NRG1: variants seen among roughly 807,000 people sequenced by gnomAD.
NRG1 encodes pro-neuregulin-1, membrane-bound isoform.
A neutral mutation model predicts 63.8 loss-of-function variants in NRG1; 18 were observed. The ratio of observed to expected loss-of-function variants is 0.28; its 90% CI spans 0.19 to 0.42. The LOEUF is 0.42. NRG1 is among the 10% of genes least tolerant of loss of function. The pLI is 1.00. For synonymous variants in NRG1, 302 were observed against 301.3 expected, an observed-to-expected ratio of 1.00 and a Z score of -0.02; for missense variants, 762 against 814.7, an observed-to-expected ratio of 0.94 and a Z score of 0.79.
intron 1 of NRG1, among the ~76,000 whole-genome samples, chr8:32,016,404 A>C (rs1815546810): frequency 6.6e-6 from 1 of 152,048 alleles, no homozygotes; most frequent in Non-Finnish European, 1.5e-5. Context: ...CACATGGAAT[A>C]ATTTATTTAG....
intron 1 of NRG1, among the ~76,000 whole-genome samples, chr8:31,927,996 A>T (rs1057412851): frequency 2.8e-4 from 1 of 3,510 alleles, no homozygotes; most frequent in African/African-American, 1.7e-3. Flanking sequence ...AGGTATATTT[A>T]AAAAAAAAAA....
intron 1 of NRG1, among the ~76,000 whole-genome samples, chr8:32,528,952 G>C (rs984922231): frequency 6.6e-6 from 1 of 152,176 alleles, no homozygotes; most frequent in African/African-American, 2.4e-5. Context: ...GACAACGATA[G>C]CTTTATAGAA....
At chr8:32,344,583 C>T (rs1405967847) in intron 1 of NRG1, among the ~76,000 whole-genome samples, 1 of 144,874 alleles carries the variant, frequency 6.9e-6, no homozygotes, top group Non-Finnish European at 1.5e-5. Flanking sequence ...ATTACAGGCA[C>T]ATGTCACTAC....
At chr8:31,912,224 T>C (rs1833002801) in intron 1 of NRG1, among the ~76,000 whole-genome samples, 4 of 152,322 alleles carry the variant, frequency 2.6e-5, no homozygotes, top group African/African-American at 9.6e-5. Context: ...TAAAATGCGC[T>C]GATGTGTTTA....
At chr8:32,288,143 G>C (rs1853760980) in intron 1 of NRG1, among the ~76,000 whole-genome samples, 1 of 152,120 alleles carries the variant, frequency 6.6e-6, no homozygotes, top group Non-Finnish European at 1.5e-5. Flanking sequence ...CCTAAAGCAA[G>C]ACAGATAGGA....
intron 1 of NRG1, among the ~76,000 whole-genome samples, chr8:32,198,036 G>A (rs2132271382): frequency 6.6e-6 from 1 of 152,286 alleles, no homozygotes; most frequent in South Asian, 2.1e-4. Context: ...ATATTCCTGG[G>A]CCAAATATTG....
chr8:31,700,914 G>A (rs1460267517), intron 1 of NRG1, among the ~76,000 whole-genome samples: 1 of 152,114 alleles, frequency 6.6e-6, no homozygotes, highest in Admixed American at 6.6e-5. Flanking sequence ...GGTAGAATGA[G>A]GGACATTTGC....
In NRG1 at chr8:31,640,732, A is replaced by G; in HGVS notation, c.37+1301A>G. Reference sequence around the variant, plus strand: ...CCGGGTGCTGTGCAAGCGGTGCGGTAAGTTCCTCGCCCTTGGGGGCGCGAA... The same window carrying G: ...CCGGGTGCTGTGCAAGCGGTGCGGTGAGTTCCTCGCCCTTGGGGGCGCGAA... On this transcript the variant is annotated intron_variant, in intron 1 of 10. Transcript: ENST00000519301. The surrounding 1 kb of genome is among the most constrained non-coding windows in gnomAD (Gnocchi z 6.3). 1 of 1,570,752 alleles carries G rather than the reference A, an allele frequency of 6.4e-7. No individual in the cohort carries two copies. The highest frequency in any genetic ancestry group is 1.8e-5 in the Admixed American group (1 of 56,364).
At chr8:31,828,559 C>T (rs144220856) in intron 1 of NRG1, among the ~76,000 whole-genome samples, 2 of 152,258 alleles carry the variant, frequency 1.3e-5, no homozygotes, top group Non-Finnish European at 2.9e-5. Context: ...CTGGTGTAAA[C>T]ACCACCCGCG....
rs376221780 is a variant in NRG1 at position 32,742,125 on chromosome 8, A to T, written c.633-550A>T. ...GCTTTCTCCCCCAACTACAGCAACA[A>T]TCACTACCACTTGGTGCTTTTACAG... On this transcript the variant is annotated intron_variant, in intron 6 of 11. Transcript: ENST00000356819. This position sits in a 1 kb window ranked among gnomAD's most constrained non-coding sequence, Gnocchi z 4.2. 1.4e-6 allele frequency: 2 copies of T among 1,419,066 alleles called. No individual in the cohort carries two copies. Among genetic ancestry groups the T allele is most frequent in the Admixed American group, 1.7e-5 (1 of 59,590 alleles). 87.9% of individuals were successfully genotyped at this position (1,419,066 alleles called of 1,614,324 possible).
At chr8:32,407,612 G>C (rs1814272050) in intron 1 of NRG1, among the ~76,000 whole-genome samples, 1 of 151,988 alleles carries the variant, frequency 6.6e-6, no homozygotes, top group African/African-American at 2.4e-5. Context: ...CAGAATAAAA[G>C]TGGACATGCC....
intron 1 of NRG1, among the ~76,000 whole-genome samples, chr8:32,511,363 A>ATG (rs201423145): frequency 0.15 from 15,015 of 102,544 alleles, 860 homozygotes; most frequent in South Asian, 0.17. Flanking sequence ...GTCGATATAT[A>ATG]TGTGTATATA....
At chr8:31,856,323 T>G (rs1827863497) in intron 1 of NRG1, among the ~76,000 whole-genome samples, 1 of 152,122 alleles carries the variant, frequency 6.6e-6, no homozygotes, top group East Asian at 1.9e-4. Context: ...TTTTTATTCT[T>G]TTTTCTCTAA....
chr8:32,242,410 G>T (rs1848193974), intron 1 of NRG1, among the ~76,000 whole-genome samples: 1 of 152,140 alleles, frequency 6.6e-6, no homozygotes, highest in African/African-American at 2.4e-5. Context: ...GGAGGCGGAG[G>T]TTGCAGTGAG....
intron 1 of NRG1, among the ~76,000 whole-genome samples, chr8:32,431,911 G>T (rs1414005960): frequency 1.3e-5 from 2 of 152,096 alleles, no homozygotes; most frequent in Non-Finnish European, 2.9e-5. Context: ...GGACTGTTAA[G>T]CAATTTAAGA....
intron 1 of NRG1, among the ~76,000 whole-genome samples, chr8:31,867,386 A>G (rs909564641): frequency 7.2e-5 from 11 of 152,094 alleles, no homozygotes. Flanking sequence ...CTTGATTTGT[A>G]TGTTTCAGAG....
intron 5 of NRG1, chr8:32,722,122 A>C (rs1045765630): frequency 4.2e-6 from 5 of 1,181,928 alleles, no homozygotes; most frequent in Non-Finnish European, 6.0e-6. Context: ...TATTTTATTA[A>C]GCAAATGGCG....
intron 8 of NRG1, among the ~76,000 whole-genome samples, chr8:32,755,001 A>T (rs1829420529): frequency 6.6e-6 from 1 of 152,194 alleles, no homozygotes; most frequent in African/African-American, 2.4e-5. Context: ...TGGTATCTGA[A>T]ATGCAGTTTT....
At chr8:31,870,086 T>G (rs1348639844) in intron 1 of NRG1, among the ~76,000 whole-genome samples, 1 of 152,040 alleles carries the variant, frequency 6.6e-6, no homozygotes, top group Non-Finnish European at 1.5e-5. Flanking sequence ...TGAGTTTAGG[T>G]TTTTCTTTAA....
Sources: gnomAD v4.1 joint callset for allele counts (sites outside exome capture counted in the v4.1 genomes callset) on GRCh38, gnomAD v4.1.1 for gene constraint, Gnocchi (gnomAD v3.1) non-coding constraint, MANE v1.5 for transcripts, NCBI Gene and HGNC (gene_info 2026-07-23, HGNC 2026-07-21) for gene names.